Variants in SLC25A16 observed in about 807,000 individuals in gnomAD.
SLC25A16 encodes the protein mitochondrial coenzyme A transporter SLC25A16.
SLC25A16 carries 39 observed loss-of-function variants against 41.5 expected under a neutral mutation model. The ratio of observed to expected loss-of-function variants is 0.94; its 90% CI spans 0.73 to 1.23. The LOEUF (loss-of-function observed/expected upper bound fraction) is 1.23, where lower values mean the gene tolerates loss of function less well. Among genes scored for constraint, SLC25A16 ranks in the 50% most tolerant of loss-of-function variants. The pLI, the probability that SLC25A16 is intolerant of heterozygous loss-of-function variation, is 0.00. For missense variants in SLC25A16, 421 were observed against 426.9 expected, an observed-to-expected ratio of 0.99 and a Z score of 0.12; for synonymous variants, 146 against 147.8, an observed-to-expected ratio of 0.99 and a Z score of 0.09.
chr10:68,503,805 TTAA>T lies in SLC25A16; in HGVS notation c.358-113_358-111del, dbSNP rs2052900149. On this transcript the variant is annotated intron_variant, in intron 3 of 8. Coordinates refer to ENST00000609923, the MANE Select transcript of SLC25A16 (RefSeq NM_152707.4). ...AGTTACAGGACTAATAAAAAGGAAA[TTAA>T]TAATAAATGTGAACGAAATGAGCAC... 12 of 724,712 alleles carry T rather than the reference TTAA, an allele frequency of 1.7e-5. 1 individual carries two copies. In the Admixed American group the frequency reaches 2.8e-4, roughly 17 times the overall value. 44.9% of individuals were successfully genotyped at this position (724,712 alleles called of 1,614,324 possible).
intron 1 of SLC25A16, among the ~76,000 whole-genome samples, chr10:68,518,897 T>C (rs952883611): frequency 1.3e-5 from 2 of 151,878 alleles, no homozygotes; most frequent in Non-Finnish European, 2.9e-5. Flanking sequence ...TCCGAACTAA[T>C]GAAAATAATA....
chr10:68,487,620 T>C (rs892889109), intron 7 of SLC25A16, among the ~76,000 whole-genome samples: 1 of 152,302 alleles, frequency 6.6e-6, no homozygotes, highest in South Asian at 2.1e-4. Context: ...TTTAAGCACA[T>C]CCCTGACCTC....
In SLC25A16 at chr10:68,510,043, C is replaced by T. The variant is rs185550786; in HGVS notation, c.224-3325G>A. The stretch of plus-strand genomic sequence containing the variant: ...AGTGAGCCGAGATCGCGCCACTGCA[C>T]TCTAGCCTGGGTAACAGAGCAAGAC... On this transcript the variant is annotated intron_variant, in intron 2 of 8. Transcript: ENST00000609923. Among the ~76,000 whole-genome samples the T allele has an allele frequency of 6.3e-3, 957 of 152,022 alleles. 10 individuals are homozygous for T. Among genetic ancestry groups the T allele is most frequent in the African/African-American group, 0.022 (913 of 41,478 alleles).
chr10:68,500,018 A>T (rs1367328328), intron 4 of SLC25A16: 5 of 362,940 alleles, frequency 1.4e-5, no homozygotes, highest in Non-Finnish European at 2.6e-5. Flanking sequence ...AAAAAAAGAA[A>T]ATACAAACCT....
In SLC25A16 at chr10:68,510,475, A is replaced by G. The variant is rs550418349; in HGVS notation, c.224-3757T>C. The stretch of plus-strand genomic sequence containing the variant: ...GAGAATTGCTTTAACCTGGAAGGCC[A>G]AGGTTGCAGTGAGCCGAGATCGTGC... On this transcript the variant is annotated intron_variant, in intron 2 of 8. Coordinates refer to ENST00000609923, the MANE Select transcript of SLC25A16 (RefSeq NM_152707.4). Among the ~76,000 whole-genome samples, 8 of 150,692 alleles carry G rather than the reference A, an allele frequency of 5.3e-5. No homozygotes were observed. In the East Asian group the frequency reaches 1.6e-3, roughly 30 times the overall value.
intron 8 of SLC25A16, among the ~76,000 whole-genome samples, chr10:68,486,193 G>C (rs1202334532): frequency 6.8e-6 from 1 of 146,420 alleles, no homozygotes; most frequent in Non-Finnish European, 1.5e-5. Context: ...ACTCCAGCCT[G>C]GGGGACAAGA....
chr10:68,525,704 CTG>C (rs759991495), intron 1 of SLC25A16, among the ~76,000 whole-genome samples: 5 of 152,092 alleles, frequency 3.3e-5, no homozygotes, highest in Non-Finnish European at 7.4e-5. Flanking sequence ...CAGATTGTTA[CTG>C]TGTCTGTGTA....
chr10:68,497,134 A>G (rs2052761707), intron 4 of SLC25A16, among the ~76,000 whole-genome samples: 1 of 152,240 alleles, frequency 6.6e-6, no homozygotes, highest in Admixed American at 6.5e-5. Flanking sequence ...TGAATACGGA[A>G]GTGGATTTGT....
At chr10:68,521,523 A>G (rs1388311575) in intron 1 of SLC25A16, among the ~76,000 whole-genome samples, 9 of 151,680 alleles carry the variant, frequency 5.9e-5, no homozygotes, top group Non-Finnish European at 1.3e-4. Flanking sequence ...GCAAGACTCC[A>G]TCTCAATAAA....
chr10:68,487,251 G>T, intron 7 of SLC25A16, 39 bp from the exon 8 acceptor site: 1 of 1,513,804 alleles, frequency 6.6e-7, no homozygotes, highest in South Asian at 1.1e-5. Context: ...AAAAATTTTT[G>T]GTTTTCTACT....
At chr10:68,492,618 G>T (rs368420305) in intron 6 of SLC25A16, among the ~76,000 whole-genome samples, 1 of 151,920 alleles carries the variant, frequency 6.6e-6, no homozygotes, top group Non-Finnish European at 1.5e-5. Flanking sequence ...GCAGGTGGAG[G>T]TTGCAGTGAG....
intron 1 of SLC25A16, among the ~76,000 whole-genome samples, chr10:68,525,415 C>A (rs572353708): frequency 1.3e-5 from 2 of 152,212 alleles, no homozygotes; most frequent in East Asian, 1.9e-4. Context: ...GGATTACAGG[C>A]GTGAGCCACC....
chr10:68,485,846 G>A (rs2052551277), intron 8 of SLC25A16, among the ~76,000 whole-genome samples: 2 of 145,932 alleles, frequency 1.4e-5, no homozygotes, highest in South Asian at 2.2e-4. Context: ...CGCCCAGGCT[G>A]GAGTGCAGTG....
At chr10:68,502,446 A>G (rs1055578119) in intron 4 of SLC25A16, among the ~76,000 whole-genome samples, 31 of 151,650 alleles carry the variant, frequency 2.0e-4, no homozygotes, top group Non-Finnish European at 2.9e-5. Context: ...TGAAAGAAAA[A>G]CAACTAATGT....
At chr10:68,526,966 C>T (rs1389174149) in intron 1 of SLC25A16, among the ~76,000 whole-genome samples, 1 of 152,208 alleles carries the variant, frequency 6.6e-6, no homozygotes, top group African/African-American at 2.4e-5. Flanking sequence ...AGGGATCCTC[C>T]TCTTTTCCCT....
At chr10:68,484,625 A>T (rs987710497) in intron 8 of SLC25A16, among the ~76,000 whole-genome samples, 8 of 151,592 alleles carry the variant, frequency 5.3e-5, no homozygotes, top group South Asian at 2.1e-4. Context: ...GTTAAAAAAA[A>T]TTTTTTTAGA....
chr10:68,496,507 GTT>G (rs1033539975), intron 4 of SLC25A16: 1 of 984,742 alleles, frequency 1.0e-6, no homozygotes, highest in African/African-American at 1.7e-5. Context: ...AGTAGAATAT[GTT>G]TACCTACCAG....
At chr10:68,485,105 T>C (rs966056891) in intron 8 of SLC25A16, among the ~76,000 whole-genome samples, 29 of 151,396 alleles carry the variant, frequency 1.9e-4, no homozygotes, top group African/African-American at 6.6e-4. Context: ...TTTTCTTTTC[T>C]TTTTTATTGA....
intron 4 of SLC25A16, among the ~76,000 whole-genome samples, chr10:68,501,018 G>A (rs745796921): frequency 4.0e-5 from 6 of 150,808 alleles, no homozygotes; most frequent in East Asian, 2.0e-4. Flanking sequence ...TTGGAGGGCC[G>A]AGGTGGGCGA....
Sources: gnomAD v4.1 joint callset for allele counts (sites outside exome capture counted in the v4.1 genomes callset) on GRCh38, gnomAD v4.1.1 for gene constraint, MANE v1.5 for transcripts, NCBI Gene and HGNC (gene_info 2026-07-23, HGNC 2026-07-21) for gene names.